PARD3B: variants seen among roughly 807,000 people sequenced by gnomAD.
PARD3B encodes the protein partitioning defective 3 homolog B.
Under a neutral mutation model 130.2 loss-of-function variants are expected in PARD3B, and 103 were observed. The ratio of observed to expected loss-of-function variants is 0.79; its 90% CI spans 0.67 to 0.93. The LOEUF is 0.93. Ranked by LOEUF, PARD3B falls within the 40% of genes least tolerant of loss-of-function variation. PARD3B has a pLI of 0.00. For synonymous variants in PARD3B, 583 were observed against 553.2 expected (o/e 1.05, Z -0.76); for missense variants, 1,609 against 1,499.2 (o/e 1.07, Z -1.21).
At chr2:205,388,689 C>T (rs758220437) in intron 18 of PARD3B, among the ~76,000 whole-genome samples, 1 of 152,046 alleles carries the variant, frequency 6.6e-6, no homozygotes, top group Non-Finnish European at 1.5e-5. Context: ...ATTAAAATCC[C>T]ATGGGAAATC....
At chr2:204,963,114 T>C (rs960418020) in intron 2 of PARD3B, among the ~76,000 whole-genome samples, 38 of 152,326 alleles carry the variant, frequency 2.5e-4, no homozygotes, top group African/African-American at 8.9e-4. Flanking sequence ...ATACTTTCTC[T>C]GGATTGAAAA....
At chr2:205,344,114 G>T (rs1468613507) in intron 18 of PARD3B, among the ~76,000 whole-genome samples, 3 of 151,926 alleles carry the variant, frequency 2.0e-5, no homozygotes, top group Non-Finnish European at 4.4e-5. Flanking sequence ...TAATGGTGTT[G>T]CTGCTGGGCC....
At position 205,300,748 on chromosome 2, in the gene PARD3B, T is replaced by C. The variant is rs1574637282; in HGVS notation, c.2392+12T>C. The C allele has an allele frequency of 6.2e-7, 1 of 1,601,670 alleles. No individual in the cohort carries two copies. On this transcript the variant is annotated intron_variant, in intron 17 of 22. Transcript: ENST00000406610. The surrounding 1 kb of genome is among the most constrained non-coding windows in gnomAD (Gnocchi z 4.1). ...AGAAATAGAAGCTGGTAGGATGATA[T>C]GCTTCCTTAAATGGCTTCTTCATCT...
chr2:205,459,219 C>T (rs528443102), intron 20 of PARD3B, among the ~76,000 whole-genome samples: 119 of 152,256 alleles, frequency 7.8e-4, no homozygotes, highest in Middle Eastern at 3.4e-3. Flanking sequence ...TGCTTACCTA[C>T]CTACCTTTTA....
intron 4 of PARD3B, among the ~76,000 whole-genome samples, chr2:205,079,967 A>G (rs1275707417): frequency 6.6e-6 from 1 of 152,214 alleles, no homozygotes; most frequent in Non-Finnish European, 1.5e-5. Flanking sequence ...GAGCTATGGT[A>G]TAGAATTAGA....
At chr2:205,546,747 C>T (rs1043476734) in intron 21 of PARD3B, among the ~76,000 whole-genome samples, 9 of 152,166 alleles carry the variant, frequency 5.9e-5, no homozygotes, top group Non-Finnish European at 1.3e-4. Context: ...TTGTACCCAA[C>T]ACACTAATCT....
At chr2:204,845,052 C>G (rs971903083) in intron 2 of PARD3B, among the ~76,000 whole-genome samples, 23 of 152,182 alleles carry the variant, frequency 1.5e-4, no homozygotes, top group African/African-American at 5.5e-4. Flanking sequence ...GAAAATGTAT[C>G]CTGCACGCTG....
chr2:205,448,245 A>G (rs563791458), intron 20 of PARD3B, among the ~76,000 whole-genome samples: 49 of 152,354 alleles, frequency 3.2e-4, no homozygotes, highest in Admixed American at 6.5e-4. Context: ...TGGGCATGGC[A>G]TGCAGAACTG....
At chr2:204,912,555 A>T (rs2125728251) in intron 2 of PARD3B, among the ~76,000 whole-genome samples, 1 of 152,312 alleles carries the variant, frequency 6.6e-6, no homozygotes, top group African/African-American at 2.4e-5. Context: ...AAGTATACAG[A>T]TTTTAAATGC....
At chr2:205,169,030 A>T (rs1020033371) in intron 11 of PARD3B, among the ~76,000 whole-genome samples, 1 of 152,202 alleles carries the variant, frequency 6.6e-6, no homozygotes, top group Non-Finnish European at 1.5e-5. Flanking sequence ...GCATCCCATT[A>T]TTCATCTGTA....
At chr2:205,442,053 C>T (rs2106164607) in intron 20 of PARD3B, among the ~76,000 whole-genome samples, 1 of 152,202 alleles carries the variant, frequency 6.6e-6, no homozygotes, top group South Asian at 2.1e-4. Flanking sequence ...CTCACCCAAA[C>T]CATAGTCAAT....
intron 2 of PARD3B, among the ~76,000 whole-genome samples, chr2:204,743,486 G>T (rs1472413543): frequency 1.3e-5 from 2 of 152,058 alleles, no homozygotes; most frequent in Non-Finnish European, 2.9e-5. Context: ...TGTACACTGT[G>T]GCATTTACTG....
At chr2:205,319,022 C>T (rs1318063944) in intron 18 of PARD3B, among the ~76,000 whole-genome samples, 2 of 152,046 alleles carry the variant, frequency 1.3e-5, no homozygotes, top group African/African-American at 4.8e-5. Flanking sequence ...TTTTCCCTTC[C>T]TCTCATATCC....
At chr2:205,439,772 A>G (rs1456502357) in intron 19 of PARD3B, among the ~76,000 whole-genome samples, 2 of 152,180 alleles carry the variant, frequency 1.3e-5, no homozygotes, top group African/African-American at 4.8e-5. Context: ...CGCCTATATA[A>G]TGAGACACAA....
chr2:204,741,102 A>G (rs1403180948), intron 2 of PARD3B, among the ~76,000 whole-genome samples: 1 of 152,214 alleles, frequency 6.6e-6, no homozygotes, highest in East Asian at 1.9e-4. Flanking sequence ...AGCTTGTAGC[A>G]TAATTAAAAA....
At chr2:204,866,815 T>C (rs926956694) in intron 2 of PARD3B, among the ~76,000 whole-genome samples, 2 of 152,124 alleles carry the variant, frequency 1.3e-5, no homozygotes, top group African/African-American at 4.8e-5. Flanking sequence ...ATTGTCATAA[T>C]CTCAGCACTT....
chr2:204,657,070 G>A lies in PARD3B; in HGVS notation c.121-29111G>A, dbSNP rs556717013. Among the ~76,000 whole-genome samples, 6 of 152,262 alleles carry A rather than the reference G, an allele frequency of 3.9e-5. 1 individual carries two copies. Among genetic ancestry groups the A allele is most frequent in the African/African-American group, 1.4e-4 (6 of 41,552 alleles). On this transcript the variant is annotated intron_variant, in intron 1 of 22. Coordinates refer to ENST00000406610, the MANE Select transcript of PARD3B (RefSeq NM_001302769.2). ...GGGTCAAGTGATTGTATTAGACTTT[G>A]AAGAGTTCTAGGCCATACTGTTTGA...
Position 204,907,795 on chromosome 2 carries a change from A to T in PARD3B, c.223-57357A>T, listed in dbSNP as rs562294622. On this transcript the variant is annotated intron_variant, in intron 2 of 22. Coordinates refer to ENST00000406610, the MANE Select transcript of PARD3B (RefSeq NM_001302769.2). This position sits in a 1 kb window ranked among gnomAD's most constrained non-coding sequence, Gnocchi z 5.7. ...TGGCTCACTGCAACCTCCGCCTCCC[A>T]GGGTCAAGCAATTCCCCTGCCTCCA... Among the ~76,000 whole-genome samples, 8 of 151,318 alleles carry T rather than the reference A, an allele frequency of 5.3e-5. No homozygotes were observed. The highest frequency in any genetic ancestry group is 1.2e-4 in the Non-Finnish European group (8 of 67,996).
intron 18 of PARD3B, among the ~76,000 whole-genome samples, chr2:205,364,650 T>C (rs760430282): frequency 3.3e-5 from 5 of 152,196 alleles, no homozygotes; most frequent in Non-Finnish European, 5.9e-5. Flanking sequence ...TTATTGACAA[T>C]TGGAGTATGC....
Sources: allele counts gnomAD v4.1 joint callset (sites outside exome capture counted in the v4.1 genomes callset), GRCh38; gene constraint gnomAD v4.1.1; non-coding constraint Gnocchi (gnomAD v3.1); transcripts MANE v1.5; gene names NCBI Gene and HGNC (gene_info 2026-07-23, HGNC 2026-07-21).